Variants in AZIN1 observed in about 807,000 individuals in gnomAD.
AZIN1 encodes the protein ornithine decarboxylase antizyme inhibitor.
AZIN1 carries 12 observed loss-of-function variants against 47.4 expected under a neutral mutation model. The ratio of observed to expected loss-of-function variants is 0.25; its 90% CI spans 0.16 to 0.41. The LOEUF is 0.41. Ranked by LOEUF, AZIN1 falls within the 10% of genes least tolerant of loss-of-function variation. The pLI is 1.00. For missense variants in AZIN1, 410 were observed against 532.4 expected, an observed-to-expected ratio of 0.77 and a Z score of 2.26; for synonymous variants, 155 against 176.3, an observed-to-expected ratio of 0.88 and a Z score of 0.96.
At chr8:102,845,217 G>C (rs774253167) in intron 2 of AZIN1, among the ~76,000 whole-genome samples, 2 of 148,326 alleles carry the variant, frequency 1.3e-5, no homozygotes, top group Non-Finnish European at 3.0e-5. Flanking sequence ...ACTCCATTTC[G>C]ATGGTTCTTA....
intron 2 of AZIN1, among the ~76,000 whole-genome samples, chr8:102,846,645 T>C (rs937897757): frequency 2.0e-5 from 3 of 148,608 alleles, no homozygotes; most frequent in Non-Finnish European, 4.4e-5. Flanking sequence ...CAGGACTCCT[T>C]TTTTTTTTGG....
chr8:102,841,846 C>T (rs1463215851), intron 3 of AZIN1, among the ~76,000 whole-genome samples: 5 of 149,564 alleles, frequency 3.3e-5, no homozygotes, highest in East Asian at 2.0e-4. Flanking sequence ...CGCGGTGGCT[C>T]GCGCCTGTAA....
At chr8:102,848,169 C>T (rs376277421) in intron 2 of AZIN1, among the ~76,000 whole-genome samples, 5 of 152,238 alleles carry the variant, frequency 3.3e-5, no homozygotes, top group African/African-American at 1.2e-4. Context: ...GTGTCGTAGG[C>T]TGTACTATCT....
At chr8:102,845,512 A>T (rs188827466) in intron 2 of AZIN1, among the ~76,000 whole-genome samples, 1 of 152,322 alleles carries the variant, frequency 6.6e-6, no homozygotes, top group Admixed American at 6.5e-5. Flanking sequence ...AAAGACTGTT[A>T]TAACAGGACT....
At chr8:102,857,089 C>T (rs970222279) in intron 2 of AZIN1, among the ~76,000 whole-genome samples, 1 of 152,284 alleles carries the variant, frequency 6.6e-6, no homozygotes. Flanking sequence ...TATAGGAAAC[C>T]CTCTAGCCAA....
chr8:102,833,075 A>G lies in AZIN1; in HGVS notation c.885T>C (p.Asn295=), dbSNP rs1443968202. The change falls in exon 9 of 12, where the codon AAT becomes AAC. Residue 295 remains asparagine, a synonymous_variant. Transcript: ENST00000337198. ...VNIIAKKVVE[N]DKFPSGVEKT... is the part of the protein sequence containing the mutation. Reference sequence around the variant, plus strand: ...ACTTACCTCCAGAGGGAAATTTATCATTTTCAACAACTTTCTTTGCTATGA... The same window carrying G: ...ACTTACCTCCAGAGGGAAATTTATCGTTTTCAACAACTTTCTTTGCTATGA... 6.2e-7 allele frequency: 1 copy of G among 1,611,828 alleles called. No homozygotes were observed.
intron 2 of AZIN1, chr8:102,856,108 T>C (rs1003049602): frequency 3.1e-4 from 46 of 150,662 alleles, no homozygotes; most frequent in East Asian, 7.7e-4. Flanking sequence ...TTTTTTTTTT[T>C]CCCAAATCAG....
Position 102,829,863 on chromosome 8 carries a change from A to G in AZIN1, c.978T>C (p.Ser326=). ...MNDGVYGSFA[S]KLSEDLNTIP... is the part of the protein sequence containing the mutation. ...TGGTATTTAAGTCCTCAGACAGTTT[A>G]CTTGCAAAAGAACCATAAACACCAT... The change falls in exon 10 of 12, where the codon AGT becomes AGC. Residue 326 remains serine, a synonymous_variant. Coordinates refer to ENST00000337198, the MANE Select transcript of AZIN1 (RefSeq NM_148174.4). 3 of 1,613,450 alleles carry G rather than the reference A, an allele frequency of 1.9e-6. No homozygotes were observed. The highest frequency in any genetic ancestry group is 2.5e-6 in the Non-Finnish European group (3 of 1,179,778).
At position 102,827,359 on chromosome 8, in the gene AZIN1, A is replaced by G. The variant is rs1429967260; in HGVS notation, c.*1208T>C. Reference sequence around the variant, plus strand: ...ACCATAAAATTTTAGTAAGAAAAGAATTAAAAGTAATGACTAAGCAGAACA... The same window carrying G: ...ACCATAAAATTTTAGTAAGAAAAGAGTTAAAAGTAATGACTAAGCAGAACA... On this transcript the variant is annotated 3_prime_UTR_variant, in exon 12 of 12. Coordinates refer to ENST00000337198, the MANE Select transcript of AZIN1 (RefSeq NM_148174.4). 1 of 152,210 alleles carries G rather than the reference A, an allele frequency of 6.6e-6. No homozygotes were observed. The highest frequency in any genetic ancestry group is 1.9e-4 in the East Asian group (1 of 5,206). The allele number at this position is 152,210 out of a possible 1,614,324, so 9.4% of individuals were successfully genotyped here.
rs922301944 is a variant in AZIN1 at position 102,827,393 on chromosome 8, A to G, written c.*1174T>C. The G allele has an allele frequency of 3.3e-5, 5 of 152,208 alleles. No homozygotes were observed. Among genetic ancestry groups the G allele is most frequent in the African/African-American group, 1.2e-4 (5 of 41,444 alleles). 9.4% of individuals were successfully genotyped at this position (152,208 alleles called of 1,614,324 possible). On this transcript the variant is annotated 3_prime_UTR_variant, in exon 12 of 12. Coordinates refer to ENST00000337198, the MANE Select transcript of AZIN1 (RefSeq NM_148174.4). ...AATGACTAAGCAGAACAAATTGGAA[A>G]TAACAAGAAACTAAGGGGACAGTTC...
At chr8:102,835,816 A>C (rs147829801) in intron 6 of AZIN1, among the ~76,000 whole-genome samples, 1 of 152,226 alleles carries the variant, frequency 6.6e-6, no homozygotes, top group African/African-American at 2.4e-5. Flanking sequence ...AAGTATTTGA[A>C]CCTCTTGGAG....
At position 102,833,753 on chromosome 8, in the gene AZIN1, A is replaced by ATTT. The variant is rs11355998; in HGVS notation, c.741+433_741+435dup. ...AGCCTGGGCAATATAGAAAGACTCAATTTTTTTTTTTTTTTTTTTTTAAGT... is the reference window on the plus strand; with the variant it reads ...AGCCTGGGCAATATAGAAAGACTCAATTTTTTTTTTTTTTTTTTTTTTTTAAGT... On this transcript the variant is annotated intron_variant, in intron 8 of 11. Coordinates refer to ENST00000337198, the MANE Select transcript of AZIN1 (RefSeq NM_148174.4). Among the ~76,000 whole-genome samples the ATTT allele has an allele frequency of 3.6e-3, 476 of 130,578 alleles. 1 individual carries two copies. The highest frequency in any genetic ancestry group is 0.013 in the African/African-American group (459 of 34,396). 85.7% of individuals were successfully genotyped at this position (130,578 alleles called of 152,430 possible).
At chr8:102,829,693 C>T (rs1194333974) in intron 10 of AZIN1, 128 bp downstream of exon 10, 21 of 854,974 alleles carry the variant, frequency 2.5e-5, no homozygotes, top group Non-Finnish European at 3.2e-5. Flanking sequence ...ACCAGAAGAA[C>T]GCAAATCCTC....
At chr8:102,830,089 A>G (rs967310592) in intron 9 of AZIN1, 153 bp from the exon 10 acceptor site, 1 of 594,808 alleles carries the variant, frequency 1.7e-6, no homozygotes, top group East Asian at 3.0e-5. Context: ...TGAGCACAAG[A>G]AAAGAGTGCT....
At chr8:102,844,761 T>C (rs1275534905) in intron 2 of AZIN1, among the ~76,000 whole-genome samples, 2 of 152,182 alleles carry the variant, frequency 1.3e-5, no homozygotes, top group Non-Finnish European at 2.9e-5. Flanking sequence ...CATTTGTAAA[T>C]TAGGTATCTG....
chr8:102,860,891 A>G (rs533866257), intron 1 of AZIN1, among the ~76,000 whole-genome samples: 10 of 152,324 alleles, frequency 6.6e-5, no homozygotes, highest in Non-Finnish European at 1.2e-4. Flanking sequence ...ATTCTACCAG[A>G]TATCTGGCAG....
Position 102,839,719 on chromosome 8 carries a change from C to G in AZIN1, c.207G>C (p.Lys69Asn). Residue 69 changes from lysine to asparagine, a missense_variant, in exon 4 of 12, where the codon AAG becomes AAC. By Grantham distance (94) the Lys-to-Asn change is moderately conservative. Transcript: ENST00000337198. Reference protein sequence around the residue: ...VAQIKPFYTVKCNSAPAVLEI... With the variant: ...VAQIKPFYTVNCNSAPAVLEI... ...CAAGTACAGCTGGAGCAGAGTTGCACTTCACTGTGTAGAATGGCTTTATCT... is the reference window on the plus strand; with the variant it reads ...CAAGTACAGCTGGAGCAGAGTTGCAGTTCACTGTGTAGAATGGCTTTATCT... 1 of 1,609,098 alleles carries G rather than the reference C, an allele frequency of 6.2e-7. No homozygotes were observed. Among genetic ancestry groups the G allele is most frequent in the Non-Finnish European group, 8.5e-7 (1 of 1,177,174 alleles).
At position 102,848,761 on chromosome 8, in the gene AZIN1, A is replaced by G. The variant is rs188115167; in HGVS notation, c.-95-5014T>C. Among the ~76,000 whole-genome samples the G allele has an allele frequency of 6.5e-3, 988 of 152,290 alleles. 17 individuals are homozygous for G. Among genetic ancestry groups the G allele is most frequent in the African/African-American group, 0.022 (906 of 41,552 alleles). ...CAGTTTTCTTAATATATTAGCAAAAATAGTTTACAGTTCCATTGTTAAAAA... is the reference window on the plus strand; with the variant it reads ...CAGTTTTCTTAATATATTAGCAAAAGTAGTTTACAGTTCCATTGTTAAAAA... On this transcript the variant is annotated intron_variant, in intron 2 of 11. Transcript: ENST00000337198.
In AZIN1 at chr8:102,827,881, C is replaced by A. The variant is rs1301443877; in HGVS notation, c.*686G>T. On this transcript the variant is annotated 3_prime_UTR_variant, in exon 12 of 12. Transcript: ENST00000337198. Reference sequence around the variant, plus strand: ...TTAAATAAATGAAAAATGCACCGAGCCAAACAAAACTTAACTGGGCTATAA... The same window carrying A: ...TTAAATAAATGAAAAATGCACCGAGACAAACAAAACTTAACTGGGCTATAA... 6.6e-6 allele frequency: 1 copy of A among 152,378 alleles called. No homozygotes were observed. The highest frequency in any genetic ancestry group is 1.5e-5 in the Non-Finnish European group (1 of 67,988). The allele number at this position is 152,378 out of a possible 1,614,324, so 9.4% of individuals were successfully genotyped here.
Sources: allele counts gnomAD v4.1 joint callset (sites outside exome capture counted in the v4.1 genomes callset), GRCh38; gene constraint gnomAD v4.1.1; transcripts MANE v1.5; gene names NCBI Gene and HGNC (gene_info 2026-07-23, HGNC 2026-07-21).